Variants in PCM1 observed in about 807,000 individuals in gnomAD.
The protein encoded by PCM1 is pericentriolar material 1.
A neutral mutation model predicts 241.9 loss-of-function variants in PCM1; 157 were observed. The ratio of observed to expected loss-of-function variants is 0.65; its 90% CI spans 0.57 to 0.74. The LOEUF (loss-of-function observed/expected upper bound fraction) is 0.74, where lower values mean the gene tolerates loss of function less well. PCM1 is among the 30% of genes least tolerant of loss of function. PCM1 has a pLI of 0.00. For missense variants in PCM1, 3,478 were observed against 2,360.1 expected, an observed-to-expected ratio of 1.47 and a Z score of -9.81; for synonymous variants, 1,085 against 784.9, an observed-to-expected ratio of 1.38 and a Z score of -6.39.
In PCM1 at chr8:17,960,117, G is replaced by A. The variant is rs773491593; in HGVS notation, c.2144G>A (p.Gly715Glu). Residue 715 changes from glycine (G) to glutamate (E), a missense_variant, in exon 14 of 39, where the codon GGA becomes GAA. By Grantham distance (98) the Gly-to-Glu change is moderately conservative (BLOSUM62 -2). Coordinates refer to ENST00000325083, the MANE Select transcript of PCM1 (RefSeq NM_006197.4). ...AAGCAAAATTCAAATAACACTAGAGGAAATGCCAATAAAACACAGAAAGAT... is the reference window on the plus strand; with the variant it reads ...AAGCAAAATTCAAATAACACTAGAGAAAATGCCAATAAAACACAGAAAGAT... ...DTKQNSNNTR[G>E]NANKTQKDTG... is the part of the protein sequence containing the mutation. The A allele has an allele frequency of 1.9e-6, 3 of 1,599,490 alleles. No homozygotes were observed. The South Asian group carries it at 3.4e-5, about 18-fold the overall frequency.
In PCM1 at chr8:17,948,497, G is replaced by T. The variant is rs1410926352; in HGVS notation, c.961+1134G>T. 2.0e-5 allele frequency among the ~76,000 whole-genome samples: 3 copies of T among 151,678 alleles called. No individual in the cohort carries two copies. In the South Asian group the frequency reaches 6.2e-4, roughly 32 times the overall value. ...TTTTTGTATTTTTAGTAGAGTCGGG[G>T]TTTCACCATATTGGTCAGGCTGGTC... On this transcript the variant is annotated intron_variant, in intron 7 of 38. Coordinates refer to ENST00000325083, the MANE Select transcript of PCM1 (RefSeq NM_006197.4).
At chr8:17,949,954 T>C (rs1215277772) in intron 7 of PCM1, among the ~76,000 whole-genome samples, 1 of 152,160 alleles carries the variant, frequency 6.6e-6, no homozygotes, top group Non-Finnish European at 1.5e-5. Context: ...CCACAGTCTT[T>C]TAGTATGACT....
At chr8:17,981,432 AT>A (rs1434064751) in intron 24 of PCM1, among the ~76,000 whole-genome samples, 2 of 152,064 alleles carry the variant, frequency 1.3e-5, no homozygotes, top group African/African-American at 4.8e-5. Context: ...CCTTAATCAC[AT>A]TATTATAGTA....
At chr8:17,925,032 AATTT>A (rs1403174513) in intron 2 of PCM1, 1 of 152,140 alleles carries the variant, frequency 6.6e-6, no homozygotes, top group Admixed American at 6.5e-5. Context: ...TACCGTTTGA[AATTT>A]ATTTGTCTTC....
chr8:17,969,328 A>C, intron 21 of PCM1: 1 of 352,456 alleles, frequency 2.8e-6, no homozygotes, highest in Admixed American at 5.0e-5. Flanking sequence ...GATAAATGTC[A>C]GGTACCATTA....
intron 15 of PCM1, among the ~76,000 whole-genome samples, chr8:17,961,600 C>T (rs763366575): frequency 8.5e-5 from 13 of 152,064 alleles, no homozygotes; most frequent in Admixed American, 1.3e-4. Flanking sequence ...CGTGAGCCAC[C>T]GCTCCCGGCC....
chr8:17,928,995 TTCCTTATGACCGTCTGTGCTTGCTTC>T (rs2058099801), intron 2 of PCM1, among the ~76,000 whole-genome samples: 2 of 152,124 alleles, frequency 1.3e-5, no homozygotes, highest in Non-Finnish European at 2.9e-5. Flanking sequence ...TAATAAAACT[TTCCTTATGACCGTCTGTGCTTGCTTC>T]TCATCATAGG....
At position 17,957,546 on chromosome 8, in the gene PCM1, G is replaced by C; in HGVS notation, c.1811G>C (p.Arg604Pro). 6.3e-7 allele frequency: 1 copy of C among 1,583,664 alleles called. No homozygotes were observed. ...TTATACATGTTTTCAGCAGATTGTC[G>C]ATATAATAGAGAAGGGGAACAGGAG... ...ALNMPPSLDC[R>P]YNREGEQEIH... The change falls in exon 13 of 39, where the codon CGA becomes CCA. Residue 604 changes from arginine (R) to proline (P), a missense_variant. Arg to Pro is a moderately radical substitution (Grantham distance 103, BLOSUM62 -2). Transcript: ENST00000325083.
At position 17,966,468 on chromosome 8, in the gene PCM1, T is replaced by TGC. The variant is rs2074929345; in HGVS notation, c.3216_3217insGC (p.Gln1073AlafsTer4). On this transcript the variant is annotated frameshift_variant, in exon 20 of 39. Coordinates refer to ENST00000325083, the MANE Select transcript of PCM1 (RefSeq NM_006197.4). LOFTEE classifies it high-confidence loss of function. The stretch of plus-strand genomic sequence containing the variant: ...AGCTAACATGGCAACAGAATAATGT[T>TGC]CAGAGGTAATCTGTTTCTTAGAAGT... 1 of 1,613,390 alleles carries TGC rather than the reference T, an allele frequency of 6.2e-7. No homozygotes were observed. The highest frequency in any genetic ancestry group is 8.5e-7 in the Non-Finnish European group (1 of 1,179,602).
rs763389586 is a variant in PCM1 at position 18,010,600 on chromosome 8, G to T, written c.5161-9G>T. On this transcript the variant is annotated splice_polypyrimidine_tract_variant and intron_variant, in intron 31 of 38. Transcript: ENST00000325083. ...TTGCTAAATTCTGTGTAATTGATTT[G>T]TTTTAAAGGCTAAAAGGATTCTTGA... The T allele has an allele frequency of 6.3e-7, 1 of 1,586,694 alleles. No individual in the cohort carries two copies. The highest frequency in any genetic ancestry group is 8.6e-7 in the Non-Finnish European group (1 of 1,166,522).
At position 18,029,781 on chromosome 8, in the gene PCM1, T is replaced by TA. The variant is rs1424044736; in HGVS notation, c.*2120dup. On this transcript the variant is annotated 3_prime_UTR_variant, in exon 39 of 39. Transcript: ENST00000325083. Reference sequence around the variant, plus strand: ...TGAAGTTAAAAATTTTGGTTACAGATAGATAGAGGGAGAAAAGTTCAAAAT... The same window carrying TA: ...TGAAGTTAAAAATTTTGGTTACAGATAAGATAGAGGGAGAAAAGTTCAAAAT... 1 of 195,664 alleles carries TA rather than the reference T, an allele frequency of 5.1e-6. No individual in the cohort carries two copies. The highest frequency in any genetic ancestry group is 8.0e-5 in the East Asian group (1 of 12,500). 12.1% of individuals were successfully genotyped at this position (195,664 alleles called of 1,614,324 possible).
chr8:17,966,449 C>T lies in PCM1; in HGVS notation c.3197C>T (p.Thr1066Ile). 6.2e-7 allele frequency: 1 copy of T among 1,613,696 alleles called. No homozygotes were observed. The highest frequency in any genetic ancestry group is 8.5e-7 in the Non-Finnish European group (1 of 1,179,702). Residue 1066 changes from threonine (T) to isoleucine (I), a missense_variant, in exon 20 of 39, where the codon ACA (threonine) becomes ATA (isoleucine). Thr to Ile is a moderately conservative substitution (Grantham distance 89). Coordinates refer to ENST00000325083, the MANE Select transcript of PCM1 (RefSeq NM_006197.4). Reference protein sequence around the residue: ...HQLNQCYTQLTWQQNNVQRLK... With the variant: ...HQLNQCYTQLIWQQNNVQRLK... ...TTGAACCAGTGCTATACTCAGCTAACATGGCAACAGAATAATGTTCAGAGG... is the reference window on the plus strand; with the variant it reads ...TTGAACCAGTGCTATACTCAGCTAATATGGCAACAGAATAATGTTCAGAGG...
chr8:17,954,427 C>CAAAAAAAAA (rs57686395), intron 9 of PCM1, among the ~76,000 whole-genome samples: 2 of 108,798 alleles, frequency 1.8e-5, no homozygotes, highest in East Asian at 2.4e-4. Context: ...AACTCCATCT[C>CAAAAAAAAA]AAAAAAAAAA....
chr8:17,980,749 T>C lies in PCM1; in HGVS notation c.4102T>C (p.Ser1368Pro), dbSNP rs746292033. 1.9e-6 allele frequency: 3 copies of C among 1,604,096 alleles called. No individual in the cohort carries two copies. The highest frequency in any genetic ancestry group is 1.7e-6 in the Non-Finnish European group (2 of 1,176,518). ...AAAATGTAATAGGTCTACAGAAATATCTTCAGGTATGTTCTTTTTTGGTTT... is the reference window on the plus strand; with the variant it reads ...AAAATGTAATAGGTCTACAGAAATACCTTCAGGTATGTTCTTTTTTGGTTT... ...IIKCNRSTEI[S>P]SETGSDFSMF... The change falls in exon 24 of 39, where the codon TCT becomes CCT. Residue 1368 changes from serine (S) to proline (P), a missense_variant. Transcript: ENST00000325083.
intron 7 of PCM1, among the ~76,000 whole-genome samples, chr8:17,949,012 T>C (rs2064981760): frequency 6.6e-6 from 1 of 152,174 alleles, no homozygotes; most frequent in East Asian, 1.9e-4. Flanking sequence ...AGAATTACAT[T>C]TCTTGAATTG....
At chr8:17,946,375 A>G (rs1400995636) in intron 6 of PCM1, among the ~76,000 whole-genome samples, 2 of 152,226 alleles carry the variant, frequency 1.3e-5, no homozygotes, top group African/African-American at 2.4e-5. Context: ...ATCTTTTTAC[A>G]TAAGATTATC....
At chr8:17,961,799 G>A (rs2072313872) in intron 15 of PCM1, among the ~76,000 whole-genome samples, 1 of 151,998 alleles carries the variant, frequency 6.6e-6, no homozygotes, top group African/African-American at 2.4e-5. Context: ...TTTCCATTAT[G>A]TTTTATCCCT....
intron 2 of PCM1, among the ~76,000 whole-genome samples, chr8:17,932,661 C>G (rs939698395): frequency 6.6e-6 from 1 of 151,704 alleles, no homozygotes; most frequent in Non-Finnish European, 1.5e-5. Flanking sequence ...ATTTACTATT[C>G]TCAGCACACT....
At chr8:17,929,412 T>G (rs1369228177) in intron 2 of PCM1, among the ~76,000 whole-genome samples, 1 of 152,214 alleles carries the variant, frequency 6.6e-6, no homozygotes, top group Non-Finnish European at 1.5e-5. Flanking sequence ...CTGTCCCACT[T>G]TTTGAGTGGA....
Sources: allele counts gnomAD v4.1 joint callset (sites outside exome capture counted in the v4.1 genomes callset), GRCh38; gene constraint gnomAD v4.1.1; transcripts MANE v1.5; gene names NCBI Gene and HGNC (gene_info 2026-07-23, HGNC 2026-07-21).